DHTKD1: variants seen among roughly 807,000 people sequenced by gnomAD.
DHTKD1 encodes the protein 2-oxoadipate dehydrogenase complex component E1.
Under a neutral mutation model 101.8 loss-of-function variants are expected in DHTKD1, and 78 were observed. That is an observed-to-expected ratio of 0.77 (90% CI 0.64 to 0.93). The LOEUF is 0.93. Among genes scored for constraint, DHTKD1 ranks in the 40% least tolerant of loss-of-function variants. The pLI is 0.00. For missense variants in DHTKD1, 1,223 were observed against 1,161.7 expected (o/e 1.05, Z -0.77); for synonymous variants, 462 against 450.3 (o/e 1.03, Z -0.33).
chr10:12,111,268 C>G (rs748370501), intron 12 of DHTKD1, among the ~76,000 whole-genome samples: 1 of 152,102 alleles, frequency 6.6e-6, no homozygotes, highest in African/African-American at 2.4e-5. Context: ...CAGGTTCAAG[C>G]AATTCTCCTG....
rs148858722 is a variant in DHTKD1, at chr10:12,121,017, C to T, written c.*129C>T. ...GGTGGATCACCTGAGGTCAGGAGTTCGAGACCAGCCTGGCCAACACGGTGA... is the reference window on the plus strand; with the variant it reads ...GGTGGATCACCTGAGGTCAGGAGTTTGAGACCAGCCTGGCCAACACGGTGA... On this transcript the variant is annotated 3_prime_UTR_variant, in exon 17 of 17. Coordinates refer to ENST00000263035, the MANE Select transcript of DHTKD1 (RefSeq NM_018706.7). 5.6e-3 allele frequency: 3,951 copies of T among 710,696 alleles called. 107 individuals carry two copies. In the African/African-American group the frequency reaches 0.06, roughly 11 times the overall value. 44.0% of individuals were successfully genotyped at this position (710,696 alleles called of 1,614,324 possible). A position where few individuals can be genotyped will look rare whatever the true frequency, so the allele number is the denominator to read the frequency against.
intron 2 of DHTKD1, among the ~76,000 whole-genome samples, chr10:12,082,981 T>A (rs1014528075): frequency 6.6e-6 from 1 of 151,062 alleles, no homozygotes; most frequent in South Asian, 2.1e-4. Flanking sequence ...CTAAAAAAAA[T>A]AACAAAAAAA....
chr10:12,078,634 G>T (rs1472743480), intron 1 of DHTKD1, among the ~76,000 whole-genome samples: 1 of 152,084 alleles, frequency 6.6e-6, no homozygotes, highest in Admixed American at 6.6e-5. Context: ...AGAAATAGAA[G>T]CAGTGATCTC....
intron 13 of DHTKD1, 135 bp downstream of exon 13, chr10:12,113,199 T>C: frequency 1.1e-6 from 1 of 908,748 alleles, no homozygotes; most frequent in Non-Finnish European, 1.6e-6. Context: ...CTACTTTCAT[T>C]TTTTTTGTTG....
chr10:12,088,355 C>A (rs1832935058), intron 4 of DHTKD1, among the ~76,000 whole-genome samples: 1 of 151,696 alleles, frequency 6.6e-6, no homozygotes, highest in Non-Finnish European at 1.5e-5. Flanking sequence ...ACCTATGGTT[C>A]CAGCTACTTG....
At chr10:12,118,699 T>C (rs201171590) in intron 14 of DHTKD1, 50 bp from the exon 15 acceptor site, 1 of 1,424,158 alleles carries the variant, frequency 7.0e-7, no homozygotes, top group East Asian at 2.6e-5. Context: ...ACGTAATTCT[T>C]ACTTTAAAAA....
intron 1 of DHTKD1, among the ~76,000 whole-genome samples, chr10:12,078,915 T>C (rs1176278847): frequency 6.6e-6 from 1 of 152,110 alleles, no homozygotes; most frequent in Non-Finnish European, 1.5e-5. Context: ...CCCACTGGCC[T>C]CGGCCTCTAA....
rs920173335 is a variant in DHTKD1, at chr10:12,122,463, C to G, written c.*1575C>G. Reference sequence around the variant, plus strand: ...TGAAACCCCGTCTCTACTAAAAATACAAAAATTAGCTGGGCGTGGTGGTGG... The same window carrying G: ...TGAAACCCCGTCTCTACTAAAAATAGAAAAATTAGCTGGGCGTGGTGGTGG... On this transcript the variant is annotated 3_prime_UTR_variant, in exon 17 of 17. Coordinates refer to ENST00000263035, the MANE Select transcript of DHTKD1 (RefSeq NM_018706.7). 2 of 152,068 alleles carry G rather than the reference C, an allele frequency of 1.3e-5. No individual in the cohort carries two copies. The highest frequency in any genetic ancestry group is 4.8e-5 in the African/African-American group (2 of 41,402). 9.4% of individuals were successfully genotyped at this position (152,068 alleles called of 1,614,324 possible).
chr10:12,120,339 CTTTT>C (rs539793101), intron 16 of DHTKD1, 72 bp downstream of exon 16: 12 of 1,065,748 alleles, frequency 1.1e-5, no homozygotes, highest in African/African-American at 1.7e-5. Context: ...TTCTTTCTTT[CTTTT>C]TTTTTTTTGA....
At chr10:12,113,777 C>T (rs547301738) in intron 13 of DHTKD1, among the ~76,000 whole-genome samples, 12 of 152,020 alleles carry the variant, frequency 7.9e-5, no homozygotes, top group South Asian at 4.1e-4. Context: ...AAAAATTGGC[C>T]GGTGTGGTGG....
At chr10:12,117,120 A>G (rs1255117364) in intron 13 of DHTKD1, among the ~76,000 whole-genome samples, 2 of 151,934 alleles carry the variant, frequency 1.3e-5, no homozygotes, top group African/African-American at 2.4e-5. Flanking sequence ...CTCCCGCCTC[A>G]GCCTCCTGAG....
chr10:12,100,146 G>A (rs369546108), intron 8 of DHTKD1, 32 bp from the exon 9 acceptor site: 18 of 1,313,172 alleles, frequency 1.4e-5, no homozygotes, highest in African/African-American at 3.0e-5. Context: ...ACTCTTAGAC[G>A]TTCCTTTTTT....
At position 12,091,676 on chromosome 10, in the gene DHTKD1, G is replaced by T; in HGVS notation, c.1151G>T (p.Ser384Ile). 6.2e-7 allele frequency: 1 copy of T among 1,613,640 alleles called. No homozygotes were observed. The change falls in exon 6 of 17, where the codon AGT (serine) becomes ATT (isoleucine). Residue 384 changes from serine to isoleucine, a missense_variant. Coordinates refer to ENST00000263035, the MANE Select transcript of DHTKD1 (RefSeq NM_018706.7). The part of the protein sequence containing the change: ...AERGRSSLYC[S>I]DIGKLVGCAI... The stretch of plus-strand genomic sequence containing the variant: ...AGAGGAAGGTCTTCTTTATACTGCA[G>T]TGATATTGGTACGTAACACAGGGAG...
chr10:12,114,827 G>C (rs1461270549), intron 13 of DHTKD1, among the ~76,000 whole-genome samples: 2 of 151,748 alleles, frequency 1.3e-5, no homozygotes, highest in Non-Finnish European at 2.9e-5. Flanking sequence ...ACGGAGTCTC[G>C]CTCTGTCGCC....
Position 12,121,079 on chromosome 10 carries a change from G to C in DHTKD1, c.*191G>C, listed in dbSNP as rs995241165. ...TACTAAAAATACAAAAAATAGCCGG[G>C]TGTGGTGGTGGGCACCTGTGATCCC... On this transcript the variant is annotated 3_prime_UTR_variant, in exon 17 of 17. Coordinates refer to ENST00000263035, the MANE Select transcript of DHTKD1 (RefSeq NM_018706.7). 1 of 449,906 alleles carries C rather than the reference G, an allele frequency of 2.2e-6. No homozygotes were observed. Among genetic ancestry groups the C allele is most frequent in the Non-Finnish European group, 4.2e-6 (1 of 240,300 alleles). 27.9% of individuals were successfully genotyped at this position (449,906 alleles called of 1,614,324 possible). A position where few individuals can be genotyped will look rare whatever the true frequency, so the allele number is the denominator to read the frequency against.
At chr10:12,077,340 A>C (rs978517307) in intron 1 of DHTKD1, among the ~76,000 whole-genome samples, 13 of 151,578 alleles carry the variant, frequency 8.6e-5, no homozygotes, top group African/African-American at 2.9e-4. Context: ...CAATTCTCCT[A>C]CTTCATCTTC....
intron 1 of DHTKD1, among the ~76,000 whole-genome samples, chr10:12,079,877 C>A (rs758094117): frequency 9.2e-5 from 14 of 152,156 alleles, no homozygotes; most frequent in Non-Finnish European, 1.6e-4. Context: ...TGGTTTGATT[C>A]ATTTATTTGA....
rs745534981 is a variant in DHTKD1, at chr10:12,120,177, C to G, written c.2573-5C>G. The G allele has an allele frequency of 1.2e-6, 2 of 1,611,964 alleles. No individual in the cohort carries two copies. The highest frequency in any genetic ancestry group is 2.2e-5 in the South Asian group (2 of 91,002). ...GAGGTGCTGAAAGAATTTCTTCTCT[C>G]ATAGATCATATTTGGAGTCAGGAGG... On this transcript the variant is annotated splice_region_variant and splice_polypyrimidine_tract_variant and intron_variant, in intron 15 of 16. Transcript: ENST00000263035.
intron 4 of DHTKD1, among the ~76,000 whole-genome samples, chr10:12,088,257 A>G (rs1176464698): frequency 2.6e-5 from 4 of 152,182 alleles, no homozygotes; most frequent in Non-Finnish European, 5.9e-5. Context: ...CAGGAGTTCA[A>G]GACCATGGGT....
Sources: allele counts gnomAD v4.1 joint callset (sites outside exome capture counted in the v4.1 genomes callset), GRCh38; gene constraint gnomAD v4.1.1; transcripts MANE v1.5; gene names NCBI Gene and HGNC (gene_info 2026-07-23, HGNC 2026-07-21).